Variants in ADGRL3 observed in about 807,000 individuals in gnomAD.
The protein encoded by ADGRL3 is calcium-independent alpha-latrotoxin receptor 3.
ADGRL3 carries 62 observed loss-of-function variants against 153.5 expected under a neutral mutation model. The ratio of observed to expected loss-of-function variants is 0.40; its 90% CI spans 0.33 to 0.50. ADGRL3 has a LOEUF of 0.50. Ranked by LOEUF, ADGRL3 falls within the 20% of genes least tolerant of loss-of-function variation. ADGRL3 has a pLI of 0.47. For missense variants in ADGRL3, 1,641 were observed against 1,859.4 expected, an observed-to-expected ratio of 0.88 and a Z score of 2.16; for synonymous variants, 710 against 672.5, an observed-to-expected ratio of 1.06 and a Z score of -0.86.
At chr4:61,780,501 C>A (rs1296400926) in intron 8 of ADGRL3, among the ~76,000 whole-genome samples, 2 of 152,158 alleles carry the variant, frequency 1.3e-5, no homozygotes, top group African/African-American at 2.4e-5. Context: ...ATGGGCAATA[C>A]CTTGGATTTC....
At chr4:61,650,370 G>A (rs754939863) in intron 5 of ADGRL3, among the ~76,000 whole-genome samples, 64 of 152,052 alleles carry the variant, frequency 4.2e-4, no homozygotes, top group Non-Finnish European at 8.2e-4. Flanking sequence ...AACATGAGAA[G>A]CAATGAGTAA....
intron 13 of ADGRL3, among the ~76,000 whole-genome samples, chr4:61,932,295 G>T (rs77840840): frequency 0.052 from 7,923 of 152,102 alleles, 339 homozygotes; most frequent in East Asian, 0.18. Flanking sequence ...TTTTCGTTGT[G>T]GAGTATGATG....
At position 61,860,974 on chromosome 4, in the gene ADGRL3, G is replaced by A. The variant is rs145487982; in HGVS notation, c.1481-31682G>A. ...CCTAAGCCACACTGCCAAATATTACGGCATTAAATCACTCATCATTTTGTG... is the reference window on the plus strand; with the variant it reads ...CCTAAGCCACACTGCCAAATATTACAGCATTAAATCACTCATCATTTTGTG... On this transcript the variant is annotated intron_variant, in intron 9 of 26. Coordinates refer to ENST00000683033, the MANE Select transcript of ADGRL3 (RefSeq NM_001387552.1). Among the ~76,000 whole-genome samples, 150 of 152,118 alleles carry A rather than the reference G, an allele frequency of 9.9e-4. 4 individuals are homozygous for A. The East Asian group carries it at 0.026, about 27-fold the overall frequency.
At chr4:61,658,311 C>A (rs2094497415) in intron 5 of ADGRL3, among the ~76,000 whole-genome samples, 1 of 152,106 alleles carries the variant, frequency 6.6e-6, no homozygotes, top group South Asian at 2.1e-4. Context: ...AAATGACAGG[C>A]TTACCTGGAT....
At chr4:61,433,712 G>A (rs2097405384) in intron 2 of ADGRL3, among the ~76,000 whole-genome samples, 2 of 152,082 alleles carry the variant, frequency 1.3e-5, no homozygotes, top group African/African-American at 4.8e-5. Context: ...ATTTATACGT[G>A]TGTTGAGTTT....
intron 9 of ADGRL3, among the ~76,000 whole-genome samples, chr4:61,852,530 G>T (rs575800513): frequency 6.6e-6 from 1 of 152,016 alleles, no homozygotes; most frequent in African/African-American, 2.4e-5. Context: ...GGCCAGGCTG[G>T]TCTCAAACTC....
intron 1 of ADGRL3, among the ~76,000 whole-genome samples, chr4:61,361,340 G>A (rs2096279076): frequency 6.6e-6 from 1 of 152,130 alleles, no homozygotes; most frequent in Non-Finnish European, 1.5e-5. Context: ...TGAGATGAGA[G>A]GGAAGCTTTG....
chr4:61,601,042 C>T (rs1171737661), intron 5 of ADGRL3, among the ~76,000 whole-genome samples: 1 of 152,066 alleles, frequency 6.6e-6, no homozygotes, highest in African/African-American at 2.4e-5. Flanking sequence ...GATTCCAGGA[C>T]ATCAATCTTC....
At chr4:61,981,176 T>C (rs1234998742) in intron 18 of ADGRL3, among the ~76,000 whole-genome samples, 1 of 152,234 alleles carries the variant, frequency 6.6e-6, no homozygotes, top group East Asian at 1.9e-4. Flanking sequence ...GTCATTATTT[T>C]TTTCTTTTGT....
chr4:61,692,368 T>G (rs1352042540), intron 6 of ADGRL3, among the ~76,000 whole-genome samples: 1 of 151,970 alleles, frequency 6.6e-6, no homozygotes, highest in Non-Finnish European at 1.5e-5. Context: ...AGAATCAAAG[T>G]ATGTACTGGT....
chr4:61,936,748 T>A (rs2098840296), intron 15 of ADGRL3, among the ~76,000 whole-genome samples: 1 of 144,508 alleles, frequency 6.9e-6, no homozygotes, highest in Non-Finnish European at 1.5e-5. Context: ...AGTAGACCCC[T>A]CTTTCCCATA....
chr4:61,358,302 A>G (rs79510639), intron 1 of ADGRL3, among the ~76,000 whole-genome samples: 271 of 152,294 alleles, frequency 1.8e-3, no homozygotes, highest in African/African-American at 6.4e-3. Context: ...TCTGCTCATG[A>G]AAGCAGACCA....
chr4:61,392,596 G>T (rs1207276022), intron 2 of ADGRL3, among the ~76,000 whole-genome samples: 3 of 141,594 alleles, frequency 2.1e-5, no homozygotes, highest in Admixed American at 7.7e-5. Context: ...TGAGGCAGGA[G>T]AATCGCTTGA....
chr4:61,399,960 G>A (rs550625365), intron 2 of ADGRL3, among the ~76,000 whole-genome samples: 1 of 151,760 alleles, frequency 6.6e-6, no homozygotes, highest in South Asian at 2.1e-4. Context: ...ATAAGTAGAG[G>A]CGATGAGTAC....
intron 19 of ADGRL3, among the ~76,000 whole-genome samples, chr4:61,990,379 A>T (rs2150967604): frequency 1.3e-5 from 2 of 152,012 alleles, no homozygotes; most frequent in Middle Eastern, 6.8e-3. Context: ...GATTGGGGAG[A>T]CTGTGGATGG....
chr4:61,541,230 G>A (rs1198247265), intron 4 of ADGRL3, among the ~76,000 whole-genome samples: 2 of 152,012 alleles, frequency 1.3e-5, no homozygotes, highest in African/African-American at 4.8e-5. Context: ...GTCTTTGTTT[G>A]TTCCACCCCT....
intron 9 of ADGRL3, among the ~76,000 whole-genome samples, chr4:61,836,712 C>T (rs1444669467): frequency 6.6e-6 from 1 of 151,950 alleles, no homozygotes; most frequent in Non-Finnish European, 1.5e-5. Context: ...CTGTATTTGT[C>T]ATGAAACAAA....
intron 3 of ADGRL3, among the ~76,000 whole-genome samples, chr4:61,506,939 T>TA (rs202016163): frequency 1.6e-4 from 25 of 151,764 alleles, no homozygotes; most frequent in Middle Eastern, 3.4e-3. Context: ...AACGTAAAAA[T>TA]AAAAAAAACC....
intron 8 of ADGRL3, among the ~76,000 whole-genome samples, chr4:61,748,538 C>T (rs895942908): frequency 6.6e-6 from 1 of 152,108 alleles, no homozygotes; most frequent in Admixed American, 6.6e-5. Context: ...CAGATCAGAG[C>T]CCTCAGAAAT....
Sources: allele counts gnomAD v4.1 joint callset (sites outside exome capture counted in the v4.1 genomes callset), GRCh38; gene constraint gnomAD v4.1.1; transcripts MANE v1.5; gene names NCBI Gene and HGNC (gene_info 2026-07-23, HGNC 2026-07-21).